The following GMDS variants were observed in gnomAD, a reference collection of about 807,000 sequenced individuals.
The protein encoded by GMDS is GDP-mannose 4,6 dehydratase.
Under a neutral mutation model 49.9 loss-of-function variants are expected in GMDS, and 20 were observed. The ratio of observed to expected loss-of-function variants is 0.40; its 90% CI spans 0.28 to 0.58. GMDS has a LOEUF of 0.58. GMDS is among the 20% of genes least tolerant of loss of function. The pLI, the probability that GMDS is intolerant of heterozygous loss-of-function variation, is 0.42. For synonymous variants in GMDS, 177 were observed against 178.6 expected, an observed-to-expected ratio of 0.99 and a Z score of 0.07; for missense variants, 362 against 481.4, an observed-to-expected ratio of 0.75 and a Z score of 2.32.
chr6:1,722,257 A>ATTATTATTATTT (rs1395751269), intron 9 of GMDS, among the ~76,000 whole-genome samples: 17 of 117,102 alleles, frequency 1.5e-4, no homozygotes, highest in African/African-American at 6.7e-4. Flanking sequence ...TAGTAGTAGT[A>ATTATTATTATTT]GTAGTATTTT....
chr6:2,192,903 A>G (rs890276304), intron 1 of GMDS, among the ~76,000 whole-genome samples: 1 of 152,216 alleles, frequency 6.6e-6, no homozygotes, highest in Non-Finnish European at 1.5e-5. Flanking sequence ...TTGGACAAAG[A>G]CACCACTGGC....
rs1768954322 is a variant in GMDS, at chr6:1,778,814, G to T, written c.772-36228C>A. On this transcript the variant is annotated intron_variant, in intron 7 of 10. Coordinates refer to ENST00000380815, the MANE Select transcript of GMDS (RefSeq NM_001500.4). This position sits in a 1 kb window ranked among gnomAD's most constrained non-coding sequence, Gnocchi z 4.6. ...TGTGGGCCAGGACTGTACCAGCTCT[G>T]CAGTCAGAACTTGGCCCCTTGCATT... 6.6e-6 allele frequency among the ~76,000 whole-genome samples: 1 copy of T among 151,798 alleles called. No individual in the cohort carries two copies. Among genetic ancestry groups the T allele is most frequent in the African/African-American group, 2.4e-5 (1 of 41,322 alleles).
intron 7 of GMDS, among the ~76,000 whole-genome samples, chr6:1,869,855 A>C (rs756100118): frequency 2.0e-5 from 3 of 152,190 alleles, no homozygotes; most frequent in Non-Finnish European, 4.4e-5. Flanking sequence ...TACTGTTACA[A>C]AAGCAGGGAG....
chr6:2,228,408 G>A (rs1313622064), intron 1 of GMDS, among the ~76,000 whole-genome samples: 1 of 152,116 alleles, frequency 6.6e-6, no homozygotes, highest in African/African-American at 2.4e-5. Context: ...TAAGTGATCT[G>A]CCTTGAGCTG....
intron 1 of GMDS, among the ~76,000 whole-genome samples, chr6:2,167,032 C>T (rs966596193): frequency 6.6e-6 from 1 of 152,214 alleles, no homozygotes; most frequent in South Asian, 2.1e-4. Flanking sequence ...ACCTATGACA[C>T]CTTCAAGGCC....
chr6:1,716,652 C>A (rs377580423), intron 9 of GMDS, among the ~76,000 whole-genome samples: 20 of 152,252 alleles, frequency 1.3e-4, no homozygotes, highest in Middle Eastern at 3.4e-3. Flanking sequence ...AGCCTTGCTT[C>A]TCAGGGTTCC....
At chr6:1,987,728 A>G (rs1203127568) in intron 4 of GMDS, among the ~76,000 whole-genome samples, 1 of 152,228 alleles carries the variant, frequency 6.6e-6, no homozygotes, top group Non-Finnish European at 1.5e-5. Flanking sequence ...CAAAAGAATG[A>G]AACATAAAAA....
intron 4 of GMDS, among the ~76,000 whole-genome samples, chr6:2,063,199 C>T (rs952648830): frequency 6.6e-6 from 1 of 152,210 alleles, no homozygotes; most frequent in Non-Finnish European, 1.5e-5. Context: ...AAAGATAAAT[C>T]ACTACCCCTG....
intron 7 of GMDS, among the ~76,000 whole-genome samples, chr6:1,889,118 G>A (rs1487128020): frequency 1.3e-5 from 2 of 152,170 alleles, no homozygotes; most frequent in Non-Finnish European, 2.9e-5. Flanking sequence ...CATGGATGCG[G>A]AACGTGTAAA....
chr6:2,111,599 C>T (rs925110828), intron 4 of GMDS, among the ~76,000 whole-genome samples: 6 of 152,104 alleles, frequency 3.9e-5, no homozygotes, highest in South Asian at 4.1e-4. Flanking sequence ...GAAGTGAGAG[C>T]GGTAGGAGAC....
intron 9 of GMDS, among the ~76,000 whole-genome samples, chr6:1,672,354 C>T (rs1228384888): frequency 6.6e-6 from 1 of 152,136 alleles, no homozygotes; most frequent in Admixed American, 6.5e-5. Flanking sequence ...GAAGGCTGTC[C>T]ACAAGCCGCT....
At chr6:1,958,796 C>T (rs1763778457) in intron 6 of GMDS, among the ~76,000 whole-genome samples, 1 of 152,170 alleles carries the variant, frequency 6.6e-6, no homozygotes, top group South Asian at 2.1e-4. Context: ...CGTTTATTCT[C>T]AGACTAAAAA....
intron 7 of GMDS, among the ~76,000 whole-genome samples, chr6:1,776,549 G>A: frequency 6.6e-6 from 1 of 151,738 alleles, no homozygotes; most frequent in East Asian, 1.9e-4. Context: ...AAATTTAGCT[G>A]AGCATGGTGG....
intron 4 of GMDS, among the ~76,000 whole-genome samples, chr6:1,999,998 A>ATATATATATAAAATAT (rs1766654086): frequency 9.2e-5 from 1 of 10,890 alleles, no homozygotes; most frequent in African/African-American, 2.4e-4. Context: ...TATATATATT[A>ATATATATATAAAATAT]TATATATATA....
At chr6:1,806,606 T>C (rs1413937713) in intron 7 of GMDS, among the ~76,000 whole-genome samples, 1 of 152,212 alleles carries the variant, frequency 6.6e-6, no homozygotes, top group Non-Finnish European at 1.5e-5. Flanking sequence ...CCGTCTGTTA[T>C]TACAGCTATT....
At chr6:2,142,771 G>A (rs1776366892) in intron 1 of GMDS, among the ~76,000 whole-genome samples, 1 of 152,150 alleles carries the variant, frequency 6.6e-6, no homozygotes, top group South Asian at 2.1e-4. Flanking sequence ...AGGTGGCCGG[G>A]CAAGTTTGGA....
At chr6:2,208,043 T>G (rs563643090) in intron 1 of GMDS, among the ~76,000 whole-genome samples, 2 of 151,998 alleles carry the variant, frequency 1.3e-5, no homozygotes, top group East Asian at 3.9e-4. Context: ...AAGTTTTACT[T>G]ATAAGGTCAT....
chr6:2,115,651 A>C, intron 4 of GMDS, 120 bp downstream of exon 4: 1 of 668,972 alleles, frequency 1.5e-6, no homozygotes, highest in Non-Finnish European at 2.7e-6. Context: ...ACTAACACTG[A>C]CAATTCAACT....
intron 9 of GMDS, among the ~76,000 whole-genome samples, chr6:1,683,018 C>T (rs993826246): frequency 1.6e-4 from 25 of 151,894 alleles, no homozygotes; most frequent in Non-Finnish European, 3.4e-4. Flanking sequence ...GGTAAAACCA[C>T]GCACGTGGGT....
Sources: allele counts gnomAD v4.1 joint callset (sites outside exome capture counted in the v4.1 genomes callset), GRCh38; gene constraint gnomAD v4.1.1; non-coding constraint Gnocchi (gnomAD v3.1); transcripts MANE v1.5; gene names NCBI Gene and HGNC (gene_info 2026-07-23, HGNC 2026-07-21).